BRCA1: variants seen among roughly 807,000 people sequenced by gnomAD.
BRCA1 encodes the protein breast cancer type 1 susceptibility protein.
A neutral mutation model predicts 173.7 loss-of-function variants in BRCA1; 140 were observed. The observed-to-expected ratio is 0.81, with a 90% CI of 0.70 to 0.93. BRCA1 has a LOEUF of 0.93. Ranked by LOEUF, BRCA1 falls within the 40% of genes least tolerant of loss-of-function variation. The pLI, the probability that BRCA1 is intolerant of heterozygous loss-of-function variation, is 0.00. For missense variants in BRCA1, 1,983 were observed against 2,172.5 expected (o/e 0.91, Z 1.73); for synonymous variants, 662 against 756.0 (o/e 0.88, Z 2.04).
intron 1 of BRCA1, among the ~76,000 whole-genome samples, chr17:43,158,429 T>C (rs2056211541): frequency 6.6e-6 from 1 of 152,238 alleles, no homozygotes; most frequent in Admixed American, 6.5e-5. Flanking sequence ...TGGTTATTTA[T>C]AAATCTTGTA....
chr17:43,074,661 C>T lies in BRCA1; in HGVS notation c.4485-140G>A, dbSNP rs1226949290. 3 of 762,452 alleles carry T rather than the reference C, an allele frequency of 3.9e-6. No individual in the cohort carries two copies. In the East Asian group the frequency reaches 8.0e-5, roughly 20 times the overall value. 47.2% of individuals were successfully genotyped at this position (762,452 alleles called of 1,614,324 possible). ...GACTGGCAAAAAAGAGCCCGCAAGA[C>T]AGCCTAGAAGTCTGGATTCATGTTG... On this transcript the variant is annotated intron_variant, in intron 13 of 22. Transcript: ENST00000357654.
chr17:43,075,250 A>C (rs2052659206), intron 13 of BRCA1, among the ~76,000 whole-genome samples: 1 of 152,010 alleles, frequency 6.6e-6, no homozygotes, highest in Non-Finnish European at 1.5e-5. Context: ...ACATCTCTAC[A>C]CTCATTCTTT....
chr17:43,060,025 C>T (rs571724444), intron 18 of BRCA1, among the ~76,000 whole-genome samples: 19 of 152,140 alleles, frequency 1.2e-4, no homozygotes, highest in Non-Finnish European at 2.1e-4. Flanking sequence ...CCTGCCCCAG[C>T]CTCCCAAGTA....
At position 43,092,980 on chromosome 17, in the gene BRCA1, C is replaced by T. The variant is rs398122662; in HGVS notation, c.2551G>A (p.Glu851Lys). The T allele has an allele frequency of 1.2e-6, 2 of 1,613,196 alleles. No homozygotes were observed. The highest frequency in any genetic ancestry group is 1.1e-5 in the South Asian group (1 of 91,052). Residue 851 changes from glutamate (E) to lysine (K), a missense_variant, in exon 10 of 23, where the codon GAA becomes AAA. Physicochemically the swap from Glu to Lys is moderately conservative, Grantham distance 56 (BLOSUM62 1). Coordinates refer to ENST00000357654, the MANE Select transcript of BRCA1 (RefSeq NM_007294.4). ...TTCTGCAAATACTGAGCATCAAGTT[C>T]ACTTTCTTCCATTTCTATGCTTGTT... is the stretch of plus-strand genomic sequence containing the variant. ...RETSIEMEES[E>K]LDAQYLQNTF... is the part of the protein sequence containing the mutation.
chr17:43,063,298 A>G lies in BRCA1; in HGVS notation c.5193+35T>C. 10 of 1,541,422 alleles carry G rather than the reference A, an allele frequency of 6.5e-6. No individual in the cohort carries two copies. Among genetic ancestry groups the G allele is most frequent in the Non-Finnish European group, 9.0e-6 (10 of 1,114,210 alleles). On this transcript the variant is annotated intron_variant, in intron 18 of 22. Transcript: ENST00000357654. Reference sequence around the variant, plus strand: ...CATTTTTAACTATATGACTGAATGAATATCTCTGGTTAGTTTGTAACATCA... The same window carrying G: ...CATTTTTAACTATATGACTGAATGAGTATCTCTGGTTAGTTTGTAACATCA...
In BRCA1 at chr17:43,093,724, A is replaced by G. The variant is rs1555591208; in HGVS notation, c.1807T>C (p.Ser603Pro). ...NMELELNIHNSKAPKKNRLRR... is the reference protein window; with the variant it reads ...NMELELNIHNPKAPKKNRLRR... ...AGCCTATTCTTTTTAGGTGCTTTTG[A>G]ATTGTGGATATTTAATTCGAGTTCC... Residue 603 changes from serine (S) to proline (P), a missense_variant, in exon 10 of 23, where the codon TCA becomes CCA. By Grantham distance (74) the Ser-to-Pro change is moderately conservative. Coordinates refer to ENST00000357654, the MANE Select transcript of BRCA1 (RefSeq NM_007294.4). The G allele has an allele frequency of 6.2e-7, 1 of 1,613,972 alleles. No individual in the cohort carries two copies. The highest frequency in any genetic ancestry group is 2.2e-5 in the East Asian group (1 of 44,870).
At chr17:43,122,950 A>G (rs926821290) in intron 2 of BRCA1, among the ~76,000 whole-genome samples, 7 of 151,586 alleles carry the variant, frequency 4.6e-5, no homozygotes, top group South Asian at 2.1e-4. Context: ...CCAGCTATTC[A>G]GGAGGCTCAG....
chr17:43,114,536 T>C (rs2055178510), intron 3 of BRCA1, among the ~76,000 whole-genome samples: 1 of 152,090 alleles, frequency 6.6e-6, no homozygotes, highest in Non-Finnish European at 1.5e-5. Context: ...AATATAATTC[T>C]AGGAAATTCA....
intron 15 of BRCA1, 102 bp downstream of exon 15, chr17:43,070,826 G>T: frequency 7.4e-7 from 1 of 1,349,112 alleles, no homozygotes; most frequent in Non-Finnish European, 1.0e-6. Context: ...TTGTTTTCTA[G>T]ATTTCTTCCT....
intron 1 of BRCA1, chr17:43,160,845 T>G (rs2056231513): frequency 6.6e-6 from 1 of 152,184 alleles, no homozygotes; most frequent in Admixed American, 6.5e-5. Context: ...TTTGGTATAC[T>G]AAGGTAGCGA....
At chr17:43,127,645 C>T (rs569588547), upstream of BRCA1, among the ~76,000 whole-genome samples, 106 of 152,290 alleles carry the variant, frequency 7.0e-4, no homozygotes, top group African/African-American at 2.5e-3. Context: ...ATGCACCAAT[C>T]AGCACCCTGT....
intron 3 of BRCA1, among the ~76,000 whole-genome samples, chr17:43,110,899 G>A (rs551548887): frequency 9.9e-5 from 15 of 151,182 alleles, no homozygotes; most frequent in South Asian, 4.2e-4. Flanking sequence ...TCAGGAGTTC[G>A]AGATCAGCCT....
At chr17:43,125,388 TTTTAA>T (rs1261582095), upstream of BRCA1, 4 of 405,926 alleles carry the variant, frequency 9.9e-6, no homozygotes, top group Admixed American at 8.5e-5. Context: ...GCAGTCGCAG[TTTTAA>T]TTTATCTGTA....
At chr17:43,070,690 CTTTTCCA>C (rs1348962857) in intron 15 of BRCA1, among the ~76,000 whole-genome samples, 6 of 152,154 alleles carry the variant, frequency 3.9e-5, no homozygotes, top group African/African-American at 4.8e-5. Context: ...CAAAGTATAG[CTTTTCCA>C]CTAATATTTA....
chr17:43,147,156 G>A (rs982334523), intron 1 of BRCA1, among the ~76,000 whole-genome samples: 6 of 151,898 alleles, frequency 4.0e-5, no homozygotes, highest in African/African-American at 1.2e-4. Context: ...CTGCGCCACC[G>A]CGCCCGGCTA....
rs753524038 is a variant in BRCA1, at chr17:43,093,880, T to TA, written c.1650dup (p.Ser551Ter). ...CCTTTTGTTTTATTCTCATGACCAC[T>TA]ATTAGTAATATTCATCACTTGACCA... On this transcript the variant is annotated frameshift_variant, in exon 10 of 23. Coordinates refer to ENST00000357654, the MANE Select transcript of BRCA1 (RefSeq NM_007294.4). LOFTEE classifies it high-confidence loss of function. 2 of 1,613,922 alleles carry TA rather than the reference T, an allele frequency of 1.2e-6. No individual in the cohort carries two copies. The highest frequency in any genetic ancestry group is 2.2e-5 in the South Asian group (2 of 91,066).
intron 1 of BRCA1, among the ~76,000 whole-genome samples, chr17:43,145,635 A>C (rs7223062): frequency 0.42 from 64,340 of 152,052 alleles, 14,521 homozygotes; most frequent in African/African-American, 0.59. Context: ...CTCCAGAGGA[A>C]TATTTTTATC....
chr17:43,123,873 C>G lies in BRCA1; in HGVS notation c.80+144G>C, dbSNP rs2055704520. The G allele has an allele frequency of 4.3e-6, 3 of 704,986 alleles. No homozygotes were observed. In the Admixed American group the frequency reaches 7.0e-5, roughly 16 times the overall value. The allele number at this position is 704,986 out of a possible 1,614,324, so 43.7% of individuals were successfully genotyped here. On this transcript the variant is annotated intron_variant, in intron 2 of 22. Coordinates refer to ENST00000357654, the MANE Select transcript of BRCA1 (RefSeq NM_007294.4). ...AATCATTTTCTATATTTTTAAAGTT[C>G]TTCAGTTAAGAAAATCAGCAATTAC...
chr17:43,044,931 G>A lies in BRCA1; in HGVS notation c.*747C>T, dbSNP rs999254299. ...TGATTCTCCTGCCTTAGCCACCTGA[G>A]TAGCTGGGATTACAGGTGTCCACCA... On this transcript the variant is annotated 3_prime_UTR_variant, in exon 23 of 23. Coordinates refer to ENST00000357654, the MANE Select transcript of BRCA1 (RefSeq NM_007294.4). The A allele has an allele frequency of 8.4e-6, 4 of 476,132 alleles. No homozygotes were observed. The highest frequency in any genetic ancestry group is 7.9e-5 in the African/African-American group (4 of 50,360). 29.5% of individuals were successfully genotyped at this position (476,132 alleles called of 1,614,324 possible). A position where few individuals can be genotyped will look rare whatever the true frequency, so the allele number is the denominator to read the frequency against.
Sources: allele counts gnomAD v4.1 joint callset (sites outside exome capture counted in the v4.1 genomes callset), GRCh38; gene constraint gnomAD v4.1.1; transcripts MANE v1.5; gene names NCBI Gene and HGNC (gene_info 2026-07-23, HGNC 2026-07-21).